The following NDUFA10 variants were observed in gnomAD, a reference collection of about 807,000 sequenced individuals.
NDUFA10 encodes the protein NADH dehydrogenase [ubiquinone] 1 alpha subcomplex subunit 10, mitochondrial.
Under a neutral mutation model 47.8 loss-of-function variants are expected in NDUFA10, and 40 were observed. That is an observed-to-expected ratio of 0.84 (90% CI 0.65 to 1.09). NDUFA10 has a LOEUF of 1.09. NDUFA10 is among the 50% of genes least tolerant of loss of function. The pLI is 0.00. For missense variants in NDUFA10, 413 were observed against 451.1 expected (o/e 0.92, Z 0.76); for synonymous variants, 183 against 172.2 (o/e 1.06, Z -0.49).
chr2:239,907,508 G>A (rs921041029), intron 4 of NDUFA10, among the ~76,000 whole-genome samples: 18 of 152,042 alleles, frequency 1.2e-4, no homozygotes, highest in African/African-American at 4.1e-4. Context: ...TCTAACAAAG[G>A]GCTAATATCC....
chr2:239,978,581 A>C lies in NDUFA10; in HGVS notation c.999+11493T>G, dbSNP rs1195310356. Among the ~76,000 whole-genome samples, 5 of 152,228 alleles carry C rather than the reference A, an allele frequency of 3.3e-5. No individual in the cohort carries two copies. The East Asian group carries it at 9.6e-4, about 29-fold the overall frequency. On this transcript the variant is annotated intron_variant, in intron 9 of 9. Transcript: ENST00000252711. ...CAGCCTACACAGGACACCAAGTGGC[A>C]GGACCTGCTCCCACTGGCCCACAGG...
rs1217445034 is a variant in NDUFA10 at position 239,961,023 on chromosome 2, C to T, written c.*95G>A. On this transcript the variant is annotated 3_prime_UTR_variant, in exon 10 of 10. Transcript: ENST00000252711. ...ACTGTGCAATTTTTGCATTATTTAC[C>T]CTCCCCCGATCTTAAAGCTATATGG... 9.5e-6 allele frequency: 15 copies of T among 1,585,130 alleles called. No homozygotes were observed. The highest frequency in any genetic ancestry group is 1.3e-5 in the African/African-American group (1 of 74,206).
chr2:239,995,402 G>A (rs1384553568), intron 8 of NDUFA10, among the ~76,000 whole-genome samples: 1 of 152,126 alleles, frequency 6.6e-6, no homozygotes, highest in Non-Finnish European at 1.5e-5. Flanking sequence ...AGACCTAGAT[G>A]GGTTGTAAAT....
intron 8 of NDUFA10, among the ~76,000 whole-genome samples, chr2:240,004,525 C>A (rs554320258): frequency 4.0e-5 from 6 of 150,544 alleles, no homozygotes; most frequent in East Asian, 3.9e-4. Context: ...AGTCCTACCC[C>A]CTTCTGCAGT....
chr2:239,950,720 G>A (rs958982691), intron 4 of NDUFA10, among the ~76,000 whole-genome samples: 3 of 152,192 alleles, frequency 2.0e-5, no homozygotes, highest in African/African-American at 4.8e-5. Flanking sequence ...TGGCCACCAC[G>A]TGCAGGTGAG....
At chr2:239,998,698 C>T (rs915679263) in intron 8 of NDUFA10, among the ~76,000 whole-genome samples, 1 of 152,196 alleles carries the variant, frequency 6.6e-6, no homozygotes, top group Non-Finnish European at 1.5e-5. Context: ...TGACCAGCCC[C>T]CAGTAAAAAT....
chr2:239,983,842 C>T (rs914243434), intron 9 of NDUFA10: 1 of 1,422,986 alleles, frequency 7.0e-7, no homozygotes, highest in Non-Finnish European at 9.4e-7. Flanking sequence ...GACATGAGGA[C>T]CCAATGTCAT....
chr2:239,956,735 C>T (rs1002970920), downstream of NDUFA10, among the ~76,000 whole-genome samples: 6 of 152,146 alleles, frequency 3.9e-5, no homozygotes, highest in Admixed American at 3.3e-4. Flanking sequence ...TGGAGACAAA[C>T]GCGCTCGTTC....
At chr2:239,934,538 A>C (rs1694231389) in intron 4 of NDUFA10, among the ~76,000 whole-genome samples, 1 of 152,098 alleles carries the variant, frequency 6.6e-6, no homozygotes, top group South Asian at 2.1e-4. Flanking sequence ...GGATCCATAT[A>C]ATGTACAGTG....
intron 9 of NDUFA10, among the ~76,000 whole-genome samples, chr2:239,970,433 G>A (rs761164292): frequency 1.3e-5 from 2 of 152,200 alleles, no homozygotes; most frequent in African/African-American, 2.4e-5. Flanking sequence ...AGATGATGCC[G>A]GGTGGAAACT....
At chr2:239,912,106 A>G (rs11686460) in intron 4 of NDUFA10, among the ~76,000 whole-genome samples, 55,227 of 152,004 alleles carry the variant, frequency 0.36, 10,280 homozygotes, top group East Asian at 0.47. Flanking sequence ...GGCATGAACC[A>G]TCCAAAGCCA....
chr2:239,898,949 GGAGGGGT>G (rs1693457774), intron 4 of NDUFA10, among the ~76,000 whole-genome samples: 1 of 120,068 alleles, frequency 8.3e-6, no homozygotes, highest in African/African-American at 2.8e-5. Context: ...GGAGGGGTGT[GGAGGGGT>G]GTGGCAGGGT....
chr2:239,894,289 G>A lies in NDUFA10; in HGVS notation c.*14+916C>T, dbSNP rs547706252. 4.5e-5 allele frequency among the ~76,000 whole-genome samples: 6 copies of A among 133,750 alleles called. No individual in the cohort carries two copies. The East Asian group carries it at 6.8e-4, about 15-fold the overall frequency. The allele number at this position is 133,750 out of a possible 152,430, so 87.7% of individuals were successfully genotyped here. ...CCAATCTCATTCCTCCCTGCCTCCC[G>A]TCCTCAGCTCCATCCCAGCCTCATT... On this transcript the variant is annotated intron_variant, in intron 5 of 5. Transcript: ENST00000419408.
intron 8 of NDUFA10, among the ~76,000 whole-genome samples, chr2:240,004,982 T>C (rs1416829186): frequency 6.6e-6 from 1 of 152,186 alleles, no homozygotes; most frequent in African/African-American, 2.4e-5. Context: ...TCTGGAACGG[T>C]GTTGCACATA....
downstream of NDUFA10, among the ~76,000 whole-genome samples, chr2:239,956,605 C>T (rs567095435): frequency 6.6e-6 from 1 of 152,340 alleles, no homozygotes; most frequent in African/African-American, 2.4e-5. Flanking sequence ...CCAAGCTCAC[C>T]TTGTCCCAGG....
In NDUFA10 at chr2:239,960,029, A is replaced by G. The variant is rs1225073744; in HGVS notation, c.*1089T>C. 1.3e-5 allele frequency: 13 copies of G among 984,846 alleles called. No individual in the cohort carries two copies. The highest frequency in any genetic ancestry group is 1.6e-5 in the Non-Finnish European group (13 of 829,480). The allele number at this position is 984,846 out of a possible 1,614,324, so 61.0% of individuals were successfully genotyped here. A position where few individuals can be genotyped will look rare whatever the true frequency, so the allele number is the denominator to read the frequency against. ...TGCCTGAACTATGGCCAGTGCAACC[A>G]AGGAACCCAATTTTAAACTCTATTA... On this transcript the variant is annotated 3_prime_UTR_variant, in exon 10 of 10. Transcript: ENST00000252711.
At chr2:239,940,696 T>G (rs1007289053) in intron 4 of NDUFA10, among the ~76,000 whole-genome samples, 1 of 152,326 alleles carries the variant, frequency 6.6e-6, no homozygotes, top group African/African-American at 2.4e-5. Flanking sequence ...TATCACCAGT[T>G]CAAAACAGAA....
At chr2:239,893,193 C>T (rs1193340246) in intron 5 of NDUFA10, among the ~76,000 whole-genome samples, 1 of 152,210 alleles carries the variant, frequency 6.6e-6, no homozygotes, top group Non-Finnish European at 1.5e-5. Flanking sequence ...GCTGATGCGG[C>T]TCAATCAGGC....
At chr2:239,914,174 G>T (rs1219845919) in intron 4 of NDUFA10, among the ~76,000 whole-genome samples, 1 of 146,908 alleles carries the variant, frequency 6.8e-6, no homozygotes, top group African/African-American at 2.5e-5. Flanking sequence ...CACACACACA[G>T]AACACACACA....
Sources: allele counts gnomAD v4.1 joint callset (sites outside exome capture counted in the v4.1 genomes callset), GRCh38; gene constraint gnomAD v4.1.1; transcripts MANE v1.5; gene names NCBI Gene and HGNC (gene_info 2026-07-23, HGNC 2026-07-21).